Variants in CSNK1G3 observed in about 807,000 individuals in gnomAD.
CSNK1G3 encodes casein kinase 1 gamma 3.
In CSNK1G3, 23 loss-of-function variants were observed where a neutral mutation model predicts 64.3. The observed-to-expected ratio is 0.36, with a 90% CI of 0.26 to 0.51. The LOEUF is 0.51. Among genes scored for constraint, CSNK1G3 ranks in the 20% least tolerant of loss-of-function variants. The pLI, the probability that CSNK1G3 is intolerant of heterozygous loss-of-function variation, is 0.96. For synonymous variants in CSNK1G3, 158 were observed against 162.2 expected, an observed-to-expected ratio of 0.97 and a Z score of 0.20; for missense variants, 357 against 510.5, an observed-to-expected ratio of 0.70 and a Z score of 2.90.
intron 4 of CSNK1G3, among the ~76,000 whole-genome samples, chr5:123,563,656 TG>T (rs1459728493): frequency 6.6e-6 from 1 of 152,086 alleles, no homozygotes; most frequent in Non-Finnish European, 1.5e-5. Flanking sequence ...TTAAAAGTTG[TG>T]GGTATAAACC....
chr5:123,540,411 C>G (rs958395690), intron 1 of CSNK1G3, among the ~76,000 whole-genome samples: 15 of 152,158 alleles, frequency 9.9e-5, no homozygotes, highest in African/African-American at 2.4e-5. Flanking sequence ...GCTCTTTTCT[C>G]TAGCTATTTT....
rs148051257 is a variant in CSNK1G3 at position 123,517,592 on chromosome 5, A to G, written c.-248+5022A>G. ...ATAATATTATTTTTCACGTTTGTAAAATGTCTTTCTGTGTTTAAGAAACAG... is the reference window on the plus strand; with the variant it reads ...ATAATATTATTTTTCACGTTTGTAAGATGTCTTTCTGTGTTTAAGAAACAG... On this transcript the variant is annotated intron_variant, in intron 1 of 12. Transcript: ENST00000345990. Among the ~76,000 whole-genome samples, 470 of 152,292 alleles carry G rather than the reference A, an allele frequency of 3.1e-3. 7 individuals are homozygous for G. Among genetic ancestry groups the G allele is most frequent in the African/African-American group, 0.011 (454 of 41,562 alleles).
chr5:123,541,282 G>A (rs1487399664), intron 1 of CSNK1G3, among the ~76,000 whole-genome samples: 1 of 152,022 alleles, frequency 6.6e-6, no homozygotes, highest in African/African-American at 2.4e-5. Context: ...ATTATGAAAT[G>A]CACCTCTGTA....
chr5:123,524,057 C>G (rs748608362), intron 1 of CSNK1G3, among the ~76,000 whole-genome samples: 1 of 152,222 alleles, frequency 6.6e-6, no homozygotes, highest in African/African-American at 2.4e-5. Flanking sequence ...GCAGCAACCC[C>G]TTAATAGAAA....
chr5:123,597,571 A>C (rs1217336546), intron 10 of CSNK1G3, among the ~76,000 whole-genome samples: 1 of 152,110 alleles, frequency 6.6e-6, no homozygotes, highest in Admixed American at 6.6e-5. Flanking sequence ...TGTAAGATGA[A>C]ACCTCTTGCC....
chr5:123,526,565 C>T (rs978993976), intron 1 of CSNK1G3, among the ~76,000 whole-genome samples: 1 of 152,108 alleles, frequency 6.6e-6, no homozygotes, highest in Non-Finnish European at 1.5e-5. Flanking sequence ...CCTTAAAATT[C>T]CCCTTGCAGT....
intron 3 of CSNK1G3, 68 bp downstream of exon 3, chr5:123,553,215 A>C (rs2150363004): frequency 1.2e-6 from 1 of 832,826 alleles, no homozygotes; most frequent in South Asian, 2.2e-5. Flanking sequence ...TATATATTTT[A>C]ATTATTTTTT....
intron 4 of CSNK1G3, among the ~76,000 whole-genome samples, chr5:123,568,589 T>A (rs575414990): frequency 6.6e-6 from 1 of 152,354 alleles, no homozygotes; most frequent in East Asian, 1.9e-4. Context: ...GACGTTGAGT[T>A]CTTTGGCAAC....
intron 1 of CSNK1G3, among the ~76,000 whole-genome samples, chr5:123,532,961 A>C (rs1780170754): frequency 6.6e-6 from 1 of 151,880 alleles, no homozygotes; most frequent in Non-Finnish European, 1.5e-5. Context: ...AATAATAAGC[A>C]TACACTTTTC....
At chr5:123,572,306 C>T (rs1390721365) in intron 4 of CSNK1G3, among the ~76,000 whole-genome samples, 1 of 152,132 alleles carries the variant, frequency 6.6e-6, no homozygotes. Flanking sequence ...TGATCACTTA[C>T]ATTTCAGTTT....
intron 4 of CSNK1G3, among the ~76,000 whole-genome samples, chr5:123,559,172 C>T (rs1444596419): frequency 2.0e-5 from 3 of 151,828 alleles, no homozygotes; most frequent in Non-Finnish European, 4.4e-5. Context: ...CTTATCCGAA[C>T]TTTAGAGACT....
chr5:123,550,166 C>T (rs150112934), intron 2 of CSNK1G3, among the ~76,000 whole-genome samples: 7 of 152,188 alleles, frequency 4.6e-5, no homozygotes, highest in African/African-American at 1.2e-4. Flanking sequence ...AAGACGGTAA[C>T]GAAAAATTCC....
chr5:123,614,281 C>T (rs918242131), intron 12 of CSNK1G3, 61 bp from the exon 14 acceptor site: 43 of 1,503,044 alleles, frequency 2.9e-5, no homozygotes, highest in Non-Finnish European at 3.7e-5. Flanking sequence ...TAAAGTGATA[C>T]AGTCAACTTT....
At chr5:123,593,228 C>CAT (rs1554081856) in intron 10 of CSNK1G3, among the ~76,000 whole-genome samples, 8 of 147,968 alleles carry the variant, frequency 5.4e-5, no homozygotes, top group East Asian at 3.9e-4. Context: ...CACACACACA[C>CAT]ATATATATAA....
intron 1 of CSNK1G3, among the ~76,000 whole-genome samples, chr5:123,518,824 A>G (rs1355501176): frequency 6.6e-6 from 1 of 152,190 alleles, no homozygotes; most frequent in African/African-American, 2.4e-5. Flanking sequence ...TGTTAGAGAG[A>G]TGATAAATAG....
At chr5:123,579,363 A>G (rs1255811578) in intron 6 of CSNK1G3, among the ~76,000 whole-genome samples, 1 of 151,024 alleles carries the variant, frequency 6.6e-6, no homozygotes, top group East Asian at 1.9e-4. Context: ...TATTCAGTTA[A>G]TATGTTCAGG....
At chr5:123,547,099 C>T (rs776587531) in intron 2 of CSNK1G3, among the ~76,000 whole-genome samples, 2 of 152,076 alleles carry the variant, frequency 1.3e-5, no homozygotes, top group Non-Finnish European at 2.9e-5. Flanking sequence ...AACATCCATC[C>T]AGTACTTATT....
chr5:123,561,970 C>T (rs906039889), intron 4 of CSNK1G3, among the ~76,000 whole-genome samples: 4 of 152,232 alleles, frequency 2.6e-5, no homozygotes, highest in South Asian at 2.1e-4. Context: ...TACTTTTCTT[C>T]GAATTGGGCT....
exon 7 of CSNK1G3, chr5:123,588,094 G>T (rs778586415): frequency 3.1e-5 from 50 of 1,590,278 alleles, no homozygotes; most frequent in Non-Finnish European, 3.9e-5. Flanking sequence ...CGATTTAGAA[G>T]CTTTAGGTCA....
Sources: allele counts gnomAD v4.1 joint callset (sites outside exome capture counted in the v4.1 genomes callset), GRCh38; gene constraint gnomAD v4.1.1; transcripts MANE v1.5; gene names NCBI Gene and HGNC (gene_info 2026-07-23, HGNC 2026-07-21).